Variants in RBFOX1 observed in about 807,000 individuals in gnomAD.
RBFOX1 encodes the protein RNA binding fox-1 homolog 1.
In RBFOX1, 8 loss-of-function variants were observed where a neutral mutation model predicts 57.7. The ratio of observed to expected loss-of-function variants is 0.14; its 90% CI spans 0.08 to 0.25. The LOEUF (loss-of-function observed/expected upper bound fraction) is 0.25. Ranked by LOEUF, RBFOX1 falls within the 10% of genes least tolerant of loss-of-function variation. RBFOX1 has a pLI of 1.00. For missense variants in RBFOX1, 611 were observed against 548.5 expected, an observed-to-expected ratio of 1.11 and a Z score of -1.14; for synonymous variants, 326 against 222.4, an observed-to-expected ratio of 1.47 and a Z score of -4.15.
At chr16:7,310,481 C>G (rs1212751067) in intron 4 of RBFOX1, among the ~76,000 whole-genome samples, 1 of 152,148 alleles carries the variant, frequency 6.6e-6, no homozygotes. Flanking sequence ...CTGACGTTAA[C>G]TGTGGAGCAC....
chr16:6,710,413 A>C (rs2063513905), intron 3 of RBFOX1, among the ~76,000 whole-genome samples: 1 of 152,206 alleles, frequency 6.6e-6, no homozygotes, highest in African/African-American at 2.4e-5. Flanking sequence ...TGATCAATAT[A>C]AAAGATATTT....
chr16:6,671,427 A>T (rs1164648765), intron 3 of RBFOX1, among the ~76,000 whole-genome samples: 1 of 152,236 alleles, frequency 6.6e-6, no homozygotes, highest in Non-Finnish European at 1.5e-5. Context: ...TCATGTTCAT[A>T]TTCAAACATC....
rs184031805 is a variant in RBFOX1, at chr16:5,505,265, C to T, written c.258+38011C>T. Among the ~76,000 whole-genome samples, 548 of 152,306 alleles carry T rather than the reference C, an allele frequency of 3.6e-3. 6 individuals are homozygous for T. Among genetic ancestry groups the T allele is most frequent in the Non-Finnish European group, 5.6e-3 (383 of 68,030 alleles). ...CCACCTCTGTGCTTAACGCAGGGGG[C>T]GTTGGGATAACCCTGAACTGTAGGT... On this transcript the variant is annotated intron_variant, in intron 2 of 2. Coordinates refer to the RBFOX1 transcript ENST00000585867.
chr16:6,018,988 C>A, upstream of RBFOX1: 1 of 731,608 alleles, frequency 1.4e-6, no homozygotes, highest in Non-Finnish European at 1.7e-6. Context: ...GCGGCGCTGG[C>A]GAGGGGAAGG....
chr16:6,548,327 TAAAAG>T (rs2096923617), intron 2 of RBFOX1, among the ~76,000 whole-genome samples: 1 of 152,160 alleles, frequency 6.6e-6, no homozygotes, highest in African/African-American at 2.4e-5. Flanking sequence ...GAGTGGTGCT[TAAAAG>T]AATAGAAATG....
chr16:5,383,397 A>T (rs923632112), intron 1 of RBFOX1, among the ~76,000 whole-genome samples: 2 of 152,142 alleles, frequency 1.3e-5, no homozygotes, highest in African/African-American at 2.4e-5. Context: ...GTCTCCTCTA[A>T]CCCAAGGCAG....
rs143955939 is a variant in RBFOX1 at position 6,147,690 on chromosome 16, T to G, written c.-127+127698T>G. ...TGGAAGGGACATCAGACTTAATGCC[T>G]CCTTGAACATGTTACGTTCAACTCA... On this transcript the variant is annotated intron_variant, in intron 1 of 15. Coordinates refer to ENST00000550418, the MANE Select transcript of RBFOX1 (RefSeq NM_018723.4). 6.1e-3 allele frequency among the ~76,000 whole-genome samples: 932 copies of G among 152,278 alleles called. 14 individuals carry two copies. Among genetic ancestry groups the G allele is most frequent in the African/African-American group, 0.021 (867 of 41,556 alleles).
intron 4 of RBFOX1, among the ~76,000 whole-genome samples, chr16:7,470,448 G>GGTGGGTGGATGA (rs1361121559): frequency 6.6e-6 from 1 of 151,884 alleles, no homozygotes; most frequent in Non-Finnish European, 1.5e-5. Context: ...TGAATGAGTG[G>GGTGGGTGGATGA]GTGGGTGGAT....
chr16:5,722,850 C>T (rs115536885), intron 3 of RBFOX1, among the ~76,000 whole-genome samples: 1 of 152,212 alleles, frequency 6.6e-6, no homozygotes, highest in African/African-American at 2.4e-5. Context: ...TCCCCCTACC[C>T]TCTGCCACTT....
intron 1 of RBFOX1, among the ~76,000 whole-genome samples, chr16:6,059,416 A>G (rs1318952256): frequency 2.6e-5 from 4 of 152,222 alleles, no homozygotes; most frequent in Non-Finnish European, 5.9e-5. Context: ...ATTGCACGCA[A>G]TATAAACATT....
chr16:6,689,544 A>T (rs761659186), intron 3 of RBFOX1, among the ~76,000 whole-genome samples: 9 of 152,160 alleles, frequency 5.9e-5, no homozygotes, highest in Non-Finnish European at 1.0e-4. Context: ...TTTACACAGG[A>T]CTTATCTTTC....
At chr16:7,087,481 C>T (rs528750716) in intron 4 of RBFOX1, among the ~76,000 whole-genome samples, 19 of 146,796 alleles carry the variant, frequency 1.3e-4, no homozygotes, top group Non-Finnish European at 2.2e-4. Flanking sequence ...ATTAAACAGC[C>T]AAACCAAGAA....
chr16:6,816,573 C>G (rs531159699), intron 3 of RBFOX1, among the ~76,000 whole-genome samples: 2 of 151,672 alleles, frequency 1.3e-5, no homozygotes, highest in African/African-American at 4.8e-5. Context: ...AACCCCGTCT[C>G]TACTAAAAAT....
At chr16:7,438,896 C>T (rs961180783) in intron 4 of RBFOX1, among the ~76,000 whole-genome samples, 3 of 152,114 alleles carry the variant, frequency 2.0e-5, no homozygotes, top group African/African-American at 2.4e-5. Context: ...CTGCATGAAT[C>T]CCCCCCTTCA....
intron 4 of RBFOX1, among the ~76,000 whole-genome samples, chr16:7,308,683 G>A (rs567671814): frequency 1.3e-5 from 2 of 152,314 alleles, no homozygotes; most frequent in South Asian, 4.1e-4. Flanking sequence ...CAATTGAACT[G>A]AAACCTGCAT....
At position 5,804,534 on chromosome 16, in the gene RBFOX1, T is replaced by C. The variant is rs115652280; in HGVS notation, c.319-62769T>C. ...GATAAATCTGAGGACAAATGAAACG[T>C]TGAGTGCTGTGAATTCCAGGTATGA... On this transcript the variant is annotated intron_variant, in intron 3 of 19. Transcript: ENST00000641259. Among the ~76,000 whole-genome samples the C allele has an allele frequency of 1.1e-3, 174 of 152,218 alleles. 1 individual carries two copies. Among genetic ancestry groups the C allele is most frequent in the African/African-American group, 4.0e-3 (168 of 41,550 alleles).
Position 6,102,610 on chromosome 16 carries a change from C to T in RBFOX1, c.-127+82618C>T, listed in dbSNP as rs539693282. ...AGCTCACGCCACGTCTTCCCTCTCC[C>T]TCTCCTTTTATCTACCTCTCATTTT... On this transcript the variant is annotated intron_variant, in intron 1 of 15. Transcript: ENST00000550418. Among the ~76,000 whole-genome samples, 347 of 152,276 alleles carry T rather than the reference C, an allele frequency of 2.3e-3. 5 individuals carry two copies. Among genetic ancestry groups the T allele is most frequent in the African/African-American group, 7.4e-3 (307 of 41,562 alleles).
intron 3 of RBFOX1, among the ~76,000 whole-genome samples, chr16:5,826,744 A>G (rs748823798): frequency 5.3e-5 from 8 of 152,328 alleles, no homozygotes; most frequent in Non-Finnish European, 1.2e-4. Flanking sequence ...GCTGTCCTAT[A>G]AATTTTTTAT....
At chr16:7,318,948 G>A (rs181297610) in intron 4 of RBFOX1, among the ~76,000 whole-genome samples, 5 of 152,258 alleles carry the variant, frequency 3.3e-5, no homozygotes, top group South Asian at 2.1e-4. Flanking sequence ...GATAAATAGC[G>A]CCTGCAAATG....
Sources: gnomAD v4.1 joint callset for allele counts (sites outside exome capture counted in the v4.1 genomes callset) on GRCh38, gnomAD v4.1.1 for gene constraint, MANE v1.5 for transcripts, NCBI Gene and HGNC (gene_info 2026-07-23, HGNC 2026-07-21) for gene names.